The following BICC1 variants were observed in gnomAD, a reference collection of about 807,000 sequenced individuals.
BICC1 encodes the protein BicC family RNA binding protein 1, also known as protein bicaudal C homolog 1.
Under a neutral mutation model 111.0 loss-of-function variants are expected in BICC1, and 43 were observed. That is an observed-to-expected ratio of 0.39 (90% CI 0.30 to 0.50). BICC1 has a LOEUF of 0.50. Among genes scored for constraint, BICC1 ranks in the 20% least tolerant of loss-of-function variants. BICC1 has a pLI of 0.88. For missense variants in BICC1, 1,091 were observed against 1,203.2 expected, an observed-to-expected ratio of 0.91 and a Z score of 1.38; for synonymous variants, 467 against 434.4, an observed-to-expected ratio of 1.07 and a Z score of -0.93.
At chr10:58,545,164 A>G (rs561275952) in intron 1 of BICC1, among the ~76,000 whole-genome samples, 25 of 152,272 alleles carry the variant, frequency 1.6e-4, no homozygotes, top group Admixed American at 5.2e-4. Context: ...AACTAATACA[A>G]GGTATTTCTC....
chr10:58,690,167 C>T (rs34080549), intron 2 of BICC1, among the ~76,000 whole-genome samples: 39,362 of 152,112 alleles, frequency 0.26, 6,592 homozygotes, highest in African/African-American at 0.48. Context: ...CTTAATCCCT[C>T]CCCACACCCC....
chr10:58,716,719 G>A (rs1322669510), intron 3 of BICC1, among the ~76,000 whole-genome samples: 1 of 147,500 alleles, frequency 6.8e-6, no homozygotes, highest in Non-Finnish European at 1.5e-5. Context: ...TGTAAGATAA[G>A]TGTAGTTTAA....
intron 3 of BICC1, among the ~76,000 whole-genome samples, chr10:58,722,499 G>A (rs1840970710): frequency 6.6e-6 from 1 of 152,130 alleles, no homozygotes; most frequent in Admixed American, 6.5e-5. Flanking sequence ...TCAATCACAT[G>A]AATTAAGTAA....
intron 2 of BICC1, among the ~76,000 whole-genome samples, chr10:58,684,056 C>A (rs866879561): frequency 6.6e-6 from 1 of 152,120 alleles, no homozygotes; most frequent in Admixed American, 6.5e-5. Flanking sequence ...TCCACCAATA[C>A]CTAGTTTATT....
At chr10:58,765,119 G>T (rs1323315045) in intron 3 of BICC1, among the ~76,000 whole-genome samples, 3 of 152,118 alleles carry the variant, frequency 2.0e-5, no homozygotes, top group Non-Finnish European at 4.4e-5. Flanking sequence ...GTCTTGCTCT[G>T]TTGCCCAGGC....
chr10:58,754,610 C>T (rs965359857), intron 3 of BICC1, among the ~76,000 whole-genome samples: 3 of 152,302 alleles, frequency 2.0e-5, no homozygotes, highest in African/African-American at 4.8e-5. Context: ...ATGCCTCACA[C>T]GGCAGGGAGC....
chr10:58,757,077 G>A (rs577726883), intron 3 of BICC1, among the ~76,000 whole-genome samples: 16 of 152,256 alleles, frequency 1.1e-4, no homozygotes, highest in African/African-American at 2.2e-4. Context: ...AGAAGTAACC[G>A]TATGTAATTT....
chr10:58,799,593 T>C (rs1017827475), intron 12 of BICC1, among the ~76,000 whole-genome samples: 1 of 152,178 alleles, frequency 6.6e-6, no homozygotes, highest in Admixed American at 6.5e-5. Context: ...CGCCAGTTAT[T>C]GAACATGGAT....
intron 2 of BICC1, among the ~76,000 whole-genome samples, chr10:58,639,473 C>A (rs1207000136): frequency 6.7e-6 from 1 of 149,698 alleles, no homozygotes; most frequent in African/African-American, 2.5e-5. Flanking sequence ...CGGCTCACTG[C>A]AACCTCTGCC....
At chr10:58,589,115 G>T (rs926947106) in intron 1 of BICC1, among the ~76,000 whole-genome samples, 1 of 152,158 alleles carries the variant, frequency 6.6e-6, no homozygotes, top group Non-Finnish European at 1.5e-5. Flanking sequence ...TACCATCTCT[G>T]CAGTCTCCGA....
intron 3 of BICC1, among the ~76,000 whole-genome samples, chr10:58,737,333 G>C (rs900539735): frequency 2.0e-5 from 3 of 152,058 alleles, no homozygotes; most frequent in African/African-American, 7.2e-5. Context: ...CCACCTATGA[G>C]TGAGAACATG....
chr10:58,810,849 A>G (rs1843879895), intron 17 of BICC1, among the ~76,000 whole-genome samples: 1 of 152,150 alleles, frequency 6.6e-6, no homozygotes, highest in Non-Finnish European at 1.5e-5. Context: ...CCAAATGAAC[A>G]AGGAGAATGC....
chr10:58,521,062 A>C (rs1242333616), intron 1 of BICC1, among the ~76,000 whole-genome samples: 2 of 152,148 alleles, frequency 1.3e-5, no homozygotes, highest in African/African-American at 4.8e-5. Flanking sequence ...CTGTTTCATT[A>C]AAGGTTCTTG....
At chr10:58,553,515 C>A (rs1843357179) in intron 1 of BICC1, among the ~76,000 whole-genome samples, 1 of 152,072 alleles carries the variant, frequency 6.6e-6, no homozygotes, top group African/African-American at 2.4e-5. Flanking sequence ...CCAGTGAAAT[C>A]CATTTTGGAC....
chr10:58,693,390 T>C (rs1839971103), intron 2 of BICC1, among the ~76,000 whole-genome samples: 1 of 152,300 alleles, frequency 6.6e-6, no homozygotes, highest in South Asian at 2.1e-4. Context: ...ATGGGATGGC[T>C]GGGTCAAATG....
chr10:58,580,577 C>A (rs993568627), intron 1 of BICC1, among the ~76,000 whole-genome samples: 3 of 152,134 alleles, frequency 2.0e-5, no homozygotes, highest in Admixed American at 6.5e-5. Flanking sequence ...AAGGGATATT[C>A]AACCTGTATA....
chr10:58,806,764 G>T, intron 16 of BICC1, 141 bp downstream of exon 16: 1 of 830,774 alleles, frequency 1.2e-6, no homozygotes, highest in Non-Finnish European at 1.9e-6. Context: ...CATACATTCT[G>T]TTGAATATAT....
chr10:58,686,271 G>A (rs539093519), intron 2 of BICC1, among the ~76,000 whole-genome samples: 332 of 152,200 alleles, frequency 2.2e-3, no homozygotes, highest in African/African-American at 7.4e-3. Flanking sequence ...TGGGTAACCC[G>A]ACCTTTCTCT....
chr10:58,827,878 G>A (rs1284325745), intron 20 of BICC1, among the ~76,000 whole-genome samples: 4 of 152,156 alleles, frequency 2.6e-5, no homozygotes, highest in Non-Finnish European at 5.9e-5. Flanking sequence ...GAAACAGCAA[G>A]AGCAACCCCT....
Sources: gnomAD v4.1 joint callset for allele counts (sites outside exome capture counted in the v4.1 genomes callset) on GRCh38, gnomAD v4.1.1 for gene constraint, MANE v1.5 for transcripts, NCBI Gene and HGNC (gene_info 2026-07-23, HGNC 2026-07-21) for gene names.